The following GALNT7 variants were observed in gnomAD, a reference collection of about 807,000 sequenced individuals.
The protein encoded by GALNT7 is N-acetylgalactosaminyltransferase 7.
Under a neutral mutation model 82.1 loss-of-function variants are expected in GALNT7, and 60 were observed. The observed-to-expected ratio is 0.73, with a 90% CI of 0.59 to 0.91. The LOEUF (loss-of-function observed/expected upper bound fraction) is 0.91. Among genes scored for constraint, GALNT7 ranks in the 40% least tolerant of loss-of-function variants. The pLI, the probability that GALNT7 is intolerant of heterozygous loss-of-function variation, is 0.00. For missense variants in GALNT7, 660 were observed against 804.2 expected, an observed-to-expected ratio of 0.82 and a Z score of 2.17; for synonymous variants, 243 against 275.1, an observed-to-expected ratio of 0.88 and a Z score of 1.15.
intron 2 of GALNT7, among the ~76,000 whole-genome samples, chr4:173,288,282 C>CAAAAA (rs70944442): frequency 0.046 from 2,828 of 62,120 alleles, 105 homozygotes; most frequent in African/African-American, 0.084. Flanking sequence ...GACTCCATCT[C>CAAAAA]AAAAAAAAAA....
chr4:173,290,850 T>C (rs2126827014), intron 2 of GALNT7, among the ~76,000 whole-genome samples: 1 of 152,244 alleles, frequency 6.6e-6, no homozygotes, highest in Middle Eastern at 3.4e-3. Flanking sequence ...AAAATTATGC[T>C]CTATTCCAGC....
intron 1 of GALNT7, among the ~76,000 whole-genome samples, chr4:173,179,024 G>A (rs560636059): frequency 6.6e-6 from 1 of 152,168 alleles, no homozygotes; most frequent in Admixed American, 6.5e-5. Context: ...AACTTAACAT[G>A]CTCAGTGATT....
chr4:173,248,615 A>G (rs1241404488), intron 2 of GALNT7, among the ~76,000 whole-genome samples, 175 bp downstream of exon 2: 2 of 152,168 alleles, frequency 1.3e-5, no homozygotes, highest in African/African-American at 4.8e-5. Flanking sequence ...CATTTATGCC[A>G]TTGTATTGAA....
At chr4:173,219,720 T>C (rs1278504191) in intron 1 of GALNT7, among the ~76,000 whole-genome samples, 1 of 152,234 alleles carries the variant, frequency 6.6e-6, no homozygotes, top group Non-Finnish European at 1.5e-5. Flanking sequence ...ATTGTGGTTT[T>C]GATTTGCATT....
rs531785313 is a variant in GALNT7 at position 173,260,837 on chromosome 4, T to C, written c.587+12397T>C. ...AATAAATGTGAAGTATGCATACATTTAATAAATATTAATAAAAACAAGTAA... is the reference window on the plus strand; with the variant it reads ...AATAAATGTGAAGTATGCATACATTCAATAAATATTAATAAAAACAAGTAA... On this transcript the variant is annotated intron_variant, in intron 2 of 11. Coordinates refer to ENST00000265000, the MANE Select transcript of GALNT7 (RefSeq NM_017423.3). Among the ~76,000 whole-genome samples the C allele has an allele frequency of 2.0e-5, 3 of 152,326 alleles. No homozygotes were observed. The East Asian group carries it at 5.8e-4, about 29-fold the overall frequency.
rs1369898710 is a variant in GALNT7 at position 173,236,011 on chromosome 4, C to T, written c.127-11969C>T. Among the ~76,000 whole-genome samples, 4 of 152,290 alleles carry T rather than the reference C, an allele frequency of 2.6e-5. No homozygotes were observed. The South Asian group carries it at 6.2e-4, about 24-fold the overall frequency. Reference sequence around the variant, plus strand: ...TTTGCTTACCTTTGTATCTCTGTAACCTGGTACATAGTAGGTACTCAGTAC... The same window carrying T: ...TTTGCTTACCTTTGTATCTCTGTAATCTGGTACATAGTAGGTACTCAGTAC... On this transcript the variant is annotated intron_variant, in intron 1 of 11. Coordinates refer to ENST00000265000, the MANE Select transcript of GALNT7 (RefSeq NM_017423.3).
At chr4:173,297,977 G>A (rs1323707165) in intron 5 of GALNT7, 138 bp from the exon 6 acceptor site, 13 of 1,487,144 alleles carry the variant, frequency 8.7e-6, no homozygotes, top group East Asian at 2.5e-5. Context: ...GAACCTTATC[G>A]GTAAAGACTA....
chr4:173,254,769 A>G (rs1734970585), intron 2 of GALNT7, among the ~76,000 whole-genome samples: 1 of 152,314 alleles, frequency 6.6e-6, no homozygotes, highest in Non-Finnish European at 1.5e-5. Flanking sequence ...CAGTTTGGCA[A>G]TTTTAGGTCT....
rs947383461 is a variant in GALNT7, at chr4:173,292,070, T to C, written c.588-38T>C. On this transcript the variant is annotated intron_variant, in intron 2 of 11. Coordinates refer to ENST00000265000, the MANE Select transcript of GALNT7 (RefSeq NM_017423.3). This position sits in a 1 kb window ranked among gnomAD's most constrained non-coding sequence, Gnocchi z 4.8. ...CAGCTTGGAGCCAAGCAGTATAGATTACCTGTAAATAAATATGATGAAATT... is the reference window on the plus strand; with the variant it reads ...CAGCTTGGAGCCAAGCAGTATAGATCACCTGTAAATAAATATGATGAAATT... 2 of 1,414,342 alleles carry C rather than the reference T, an allele frequency of 1.4e-6. No individual in the cohort carries two copies. Among genetic ancestry groups the C allele is most frequent in the African/African-American group, 1.4e-5 (1 of 70,848 alleles). 87.6% of individuals were successfully genotyped at this position (1,414,342 alleles called of 1,614,324 possible).
At chr4:173,206,140 G>T (rs1453946346) in intron 1 of GALNT7, among the ~76,000 whole-genome samples, 1 of 152,220 alleles carries the variant, frequency 6.6e-6, no homozygotes, top group Non-Finnish European at 1.5e-5. Context: ...GCAGGGGATA[G>T]CCTGGTGCTG....
At chr4:173,314,975 G>C (rs1037761021) in intron 9 of GALNT7, among the ~76,000 whole-genome samples, 1 of 152,136 alleles carries the variant, frequency 6.6e-6, no homozygotes, top group Non-Finnish European at 1.5e-5. Flanking sequence ...CAGGGAACTG[G>C]CATGCTACCT....
chr4:173,169,147 C>G, intron 1 of GALNT7, 186 bp downstream of exon 1: 1 of 282,110 alleles, frequency 3.5e-6, no homozygotes, highest in Non-Finnish European at 6.3e-6. Context: ...CCCTGGCCGC[C>G]GCCGGCCCGC....
At chr4:173,266,223 G>C (rs1340548713) in intron 2 of GALNT7, among the ~76,000 whole-genome samples, 1 of 152,184 alleles carries the variant, frequency 6.6e-6, no homozygotes, top group Non-Finnish European at 1.5e-5. Flanking sequence ...TAGCACCACT[G>C]TACTCCAGCC....
chr4:173,301,974 G>A (rs1736958861), intron 6 of GALNT7, 73 bp from the exon 7 acceptor site: 1 of 739,288 alleles, frequency 1.4e-6, no homozygotes, highest in Admixed American at 2.2e-5. Context: ...TATTCTACAA[G>A]GCTTCTTGCC....
Position 173,240,974 on chromosome 4 carries a change from G to A in GALNT7, c.127-7006G>A, listed in dbSNP as rs372738029. The stretch of plus-strand genomic sequence containing the variant: ...GGGAATTCAGTCTCCAGAAGGGAGG[G>A]GATTGCACTGGATGCTTGGAGCAGG... On this transcript the variant is annotated intron_variant, in intron 1 of 11. Coordinates refer to ENST00000265000, the MANE Select transcript of GALNT7 (RefSeq NM_017423.3). Among the ~76,000 whole-genome samples the A allele has an allele frequency of 6.6e-5, 10 of 152,162 alleles. No homozygotes were observed. In the East Asian group the frequency reaches 1.9e-3, roughly 29 times the overall value.
At chr4:173,256,533 C>T (rs528572702) in intron 2 of GALNT7, among the ~76,000 whole-genome samples, 4 of 149,658 alleles carry the variant, frequency 2.7e-5, no homozygotes, top group Admixed American at 2.7e-4. Context: ...AGTCCTATTG[C>T]CCTCCCTCTC....
intron 8 of GALNT7, among the ~76,000 whole-genome samples, chr4:173,311,655 G>A (rs573816472): frequency 6.6e-6 from 1 of 152,202 alleles, no homozygotes; most frequent in South Asian, 2.1e-4. Flanking sequence ...GGTGGGGGGT[G>A]GACTGGTGGT....
chr4:173,244,757 G>A (rs1235810094), intron 1 of GALNT7, among the ~76,000 whole-genome samples: 1 of 152,100 alleles, frequency 6.6e-6, no homozygotes, highest in Non-Finnish European at 1.5e-5. Context: ...GAAAGAAGTG[G>A]CCAGATGGAG....
chr4:173,284,990 C>A (rs1465534420), intron 2 of GALNT7, among the ~76,000 whole-genome samples: 1 of 152,070 alleles, frequency 6.6e-6, no homozygotes, highest in Non-Finnish European at 1.5e-5. Context: ...GCTTTTATTT[C>A]AAAGTTTAAT....
Sources: gnomAD v4.1 joint callset for allele counts (sites outside exome capture counted in the v4.1 genomes callset) on GRCh38, gnomAD v4.1.1 for gene constraint, Gnocchi (gnomAD v3.1) non-coding constraint, MANE v1.5 for transcripts, NCBI Gene and HGNC (gene_info 2026-07-23, HGNC 2026-07-21) for gene names.